Variants in PCDH15 observed in about 807,000 individuals in gnomAD.
PCDH15 encodes the protein protocadherin-15.
In PCDH15, 129 loss-of-function variants were observed where a neutral mutation model predicts 178.5. The ratio of observed to expected loss-of-function variants is 0.72; its 90% CI spans 0.63 to 0.84. The LOEUF (loss-of-function observed/expected upper bound fraction) is 0.84. Among genes scored for constraint, PCDH15 ranks in the 40% least tolerant of loss-of-function variants. The pLI is 0.00. For missense variants in PCDH15, 2,230 were observed against 2,099.9 expected (o/e 1.06, Z -1.21); for synonymous variants, 800 against 732.0 (o/e 1.09, Z -1.50).
At chr10:55,124,535 C>A (rs1266943042) in intron 2 of PCDH15, among the ~76,000 whole-genome samples, 2 of 152,080 alleles carry the variant, frequency 1.3e-5, no homozygotes, top group East Asian at 3.9e-4. Context: ...CTGATCATTT[C>A]TTCTTTCAAC....
At chr10:55,602,757 C>A (rs930869500) in intron 2 of PCDH15, among the ~76,000 whole-genome samples, 1 of 152,090 alleles carries the variant, frequency 6.6e-6, no homozygotes, top group African/African-American at 2.4e-5. Context: ...TCATCAAAGA[C>A]CAAAAGTGGA....
At chr10:54,871,664 G>A (rs1322120056) in intron 3 of PCDH15, among the ~76,000 whole-genome samples, 1 of 151,804 alleles carries the variant, frequency 6.6e-6, no homozygotes, top group Non-Finnish European at 1.5e-5. Context: ...AATCTATTAG[G>A]TTAGGTTGAT....
chr10:54,321,652 G>A (rs1387833463), intron 7 of PCDH15, among the ~76,000 whole-genome samples: 1 of 151,680 alleles, frequency 6.6e-6, no homozygotes. Context: ...ACTATTATCT[G>A]CTTCTTTGGG....
intron 1 of PCDH15, among the ~76,000 whole-genome samples, chr10:54,771,549 C>A (rs933546396): frequency 4.6e-5 from 7 of 151,984 alleles, no homozygotes; most frequent in Non-Finnish European, 1.0e-4. Flanking sequence ...TTTATAAGTA[C>A]ATTTTATCAT....
chr10:55,543,655 C>A (rs1220504160), intron 2 of PCDH15, among the ~76,000 whole-genome samples: 1 of 147,476 alleles, frequency 6.8e-6, no homozygotes, highest in Non-Finnish European at 1.5e-5. Flanking sequence ...TTTTTTTTTT[C>A]TTAAGCCATT....
chr10:54,639,982 G>A (rs1485884926), intron 2 of PCDH15, among the ~76,000 whole-genome samples: 3 of 152,148 alleles, frequency 2.0e-5, no homozygotes, highest in African/African-American at 7.2e-5. Flanking sequence ...CTGATCTGGA[G>A]GCTGAGGAAG....
intron 2 of PCDH15, among the ~76,000 whole-genome samples, chr10:54,570,085 C>G (rs540378743): frequency 6.6e-6 from 1 of 151,242 alleles, no homozygotes; most frequent in African/African-American, 2.4e-5. Flanking sequence ...TGTGTGAATG[C>G]GTTTATCTCA....
rs148106620 is a variant in PCDH15, at chr10:53,920,507, G to A, written c.3374-17137C>T. On this transcript the variant is annotated intron_variant, in intron 25 of 37. Coordinates refer to ENST00000644397, the MANE Select transcript of PCDH15 (RefSeq NM_001384140.1). The stretch of plus-strand genomic sequence containing the variant: ...AGATTATTTTAATTTTCTTCTTTTC[G>A]TATTTTATTTTTATTGTATATAATG... Among the ~76,000 whole-genome samples the A allele has an allele frequency of 4.0e-3, 603 of 151,606 alleles. 7 individuals carry two copies. Among genetic ancestry groups the A allele is most frequent in the Admixed American group, 0.015 (229 of 15,220 alleles).
At chr10:54,712,489 T>C (rs1005279753) in intron 1 of PCDH15, among the ~76,000 whole-genome samples, 4 of 151,792 alleles carry the variant, frequency 2.6e-5, no homozygotes, top group African/African-American at 9.7e-5. Context: ...AAGGAGAGTT[T>C]TGAAAAAGTT....
In PCDH15 at chr10:54,454,143, AAAT is replaced by A. The variant is rs1202769547; in HGVS notation, c.157+73666_157+73668del. Among the ~76,000 whole-genome samples the A allele has an allele frequency of 4.7e-5, 7 of 149,602 alleles. No individual in the cohort carries two copies. In the East Asian group the frequency reaches 1.4e-3, roughly 29 times the overall value. ...AGATTTATATAATTTTGTAAACACAAAATAGATTTATATAGTTTTATAAATGTA... is the reference window on the plus strand; with the variant it reads ...AGATTTATATAATTTTGTAAACACAAAGATTTATATAGTTTTATAAATGTA... On this transcript the variant is annotated intron_variant, in intron 3 of 37. Coordinates refer to ENST00000644397, the MANE Select transcript of PCDH15 (RefSeq NM_001384140.1).
intron 2 of PCDH15, among the ~76,000 whole-genome samples, chr10:54,625,754 A>G (rs1196422502): frequency 6.6e-6 from 1 of 152,140 alleles, no homozygotes; most frequent in Admixed American, 6.6e-5. Flanking sequence ...GTAAATTGGT[A>G]CCAGTAGAGT....
chr10:54,510,074 G>C (rs1050989642), intron 3 of PCDH15, among the ~76,000 whole-genome samples: 1 of 152,144 alleles, frequency 6.6e-6, no homozygotes, highest in African/African-American at 2.4e-5. Context: ...ACTTTGAAGG[G>C]AGCTATTGCT....
Position 54,169,330 on chromosome 10 carries a change from C to T in PCDH15, c.1590+14114G>A, listed in dbSNP as rs1398666531. Among the ~76,000 whole-genome samples, 16 of 91,594 alleles carry T rather than the reference C, an allele frequency of 1.7e-4. 1 individual carries two copies. Among genetic ancestry groups the T allele is most frequent in the East Asian group, 4.0e-4 (2 of 5,050 alleles). 60.1% of individuals were successfully genotyped at this position (91,594 alleles called of 152,430 possible). ...AAGCCCGTCCCCTTCTTAATCAATACGGAGGCTACCCACTCCACATTACCT... is the reference window on the plus strand; with the variant it reads ...AAGCCCGTCCCCTTCTTAATCAATATGGAGGCTACCCACTCCACATTACCT... On this transcript the variant is annotated intron_variant, in intron 13 of 37. Transcript: ENST00000644397.
intron 2 of PCDH15, among the ~76,000 whole-genome samples, chr10:55,484,868 A>G (rs1840263963): frequency 6.6e-6 from 1 of 151,798 alleles, no homozygotes; most frequent in African/African-American, 2.4e-5. Context: ...GTCTCTTACC[A>G]TATACAAAAA....
chr10:53,845,809 C>T (rs1469893332), intron 28 of PCDH15, among the ~76,000 whole-genome samples: 7 of 151,318 alleles, frequency 4.6e-5, no homozygotes, highest in East Asian at 1.9e-4. Flanking sequence ...TTCAACAGTA[C>T]GGTAGGGAAT....
chr10:54,290,211 G>C (rs1292149317), intron 8 of PCDH15, among the ~76,000 whole-genome samples: 1 of 152,166 alleles, frequency 6.6e-6, no homozygotes, highest in African/African-American at 2.4e-5. Flanking sequence ...CAGAAACCCT[G>C]CAAGCCAGAA....
intron 9 of PCDH15, among the ~76,000 whole-genome samples, chr10:54,219,610 A>G (rs1241217193): frequency 1.3e-5 from 2 of 150,252 alleles, no homozygotes; most frequent in African/African-American, 4.9e-5. Flanking sequence ...AAAAAAAAAA[A>G]AAAAAAGAGA....
intron 8 of PCDH15, among the ~76,000 whole-genome samples, chr10:54,260,848 G>T (rs1274411395): frequency 1.3e-5 from 2 of 152,114 alleles, no homozygotes; most frequent in Non-Finnish European, 2.9e-5. Context: ...GGCCAGGCTG[G>T]TCTTGAACAC....
At chr10:54,793,186 T>C (rs942843415) in intron 1 of PCDH15, among the ~76,000 whole-genome samples, 8 of 151,948 alleles carry the variant, frequency 5.3e-5, no homozygotes, top group Non-Finnish European at 1.0e-4. Context: ...AAGTCTAGGC[T>C]AGTTAGCACT....
Sources: gnomAD v4.1 joint callset for allele counts (sites outside exome capture counted in the v4.1 genomes callset) on GRCh38, gnomAD v4.1.1 for gene constraint, MANE v1.5 for transcripts, NCBI Gene and HGNC (gene_info 2026-07-23, HGNC 2026-07-21) for gene names.